The following GRID2 variants were observed in gnomAD, a reference collection of about 807,000 sequenced individuals.
The protein encoded by GRID2 is glutamate ionotropic receptor delta type subunit 2, also known as glutamate receptor ionotropic, delta-2.
In GRID2, 33 loss-of-function variants were observed where a neutral mutation model predicts 114.8. That is an observed-to-expected ratio of 0.29 (90% CI 0.22 to 0.38). GRID2 has a LOEUF of 0.38. Ranked by LOEUF, GRID2 falls within the 10% of genes least tolerant of loss-of-function variation. The pLI, the probability that GRID2 is intolerant of heterozygous loss-of-function variation, is 1.00. For synonymous variants in GRID2, 505 were observed against 449.9 expected (o/e 1.12, Z -1.55); for missense variants, 1,184 against 1,257.7 (o/e 0.94, Z 0.89).
At chr4:93,086,007 A>G (rs1730301367) in intron 3 of GRID2, among the ~76,000 whole-genome samples, 1 of 152,266 alleles carries the variant, frequency 6.6e-6, no homozygotes, top group South Asian at 2.1e-4. Flanking sequence ...TTTTTTCTGA[A>G]TTTATCTACC....
intron 2 of GRID2, among the ~76,000 whole-genome samples, chr4:92,622,694 T>A (rs1730330820): frequency 1.3e-5 from 2 of 151,730 alleles, no homozygotes; most frequent in African/African-American, 4.8e-5. Flanking sequence ...TCAGTCATCG[T>A]CATCATCTTA....
At chr4:92,704,124 A>G (rs570524250) in intron 2 of GRID2, among the ~76,000 whole-genome samples, 24 of 152,230 alleles carry the variant, frequency 1.6e-4, no homozygotes, top group Admixed American at 5.9e-4. Context: ...AAAAAATACA[A>G]AAAATTAGCT....
At chr4:92,847,060 T>A (rs1743378938) in intron 2 of GRID2, among the ~76,000 whole-genome samples, 1 of 152,106 alleles carries the variant, frequency 6.6e-6, no homozygotes, top group Non-Finnish European at 1.5e-5. Context: ...ACTATGATCC[T>A]GACTTTTTAT....
intron 2 of GRID2, among the ~76,000 whole-genome samples, chr4:92,824,729 C>G (rs991649982): frequency 2.6e-5 from 4 of 152,002 alleles, no homozygotes; most frequent in African/African-American, 7.2e-5. Flanking sequence ...TCATAAACTA[C>G]TGTATAAATA....
intron 2 of GRID2, among the ~76,000 whole-genome samples, chr4:92,802,423 C>T (rs981835765): frequency 4.6e-5 from 7 of 151,626 alleles, no homozygotes; most frequent in Non-Finnish European, 8.8e-5. Context: ...GTTTCACTGC[C>T]CTAAAAATTC....
intron 2 of GRID2, among the ~76,000 whole-genome samples, chr4:92,933,400 A>G (rs1047452325): frequency 2.0e-5 from 3 of 151,454 alleles, no homozygotes; most frequent in Admixed American, 1.3e-4. Flanking sequence ...TCTACTGAAA[A>G]AATTTTAAAT....
intron 2 of GRID2, among the ~76,000 whole-genome samples, chr4:92,960,273 T>G (rs1207345747): frequency 6.6e-6 from 1 of 152,048 alleles, no homozygotes; most frequent in Non-Finnish European, 1.5e-5. Context: ...GTCAATTATA[T>G]TCAGTTCATT....
rs797002847 is a variant in GRID2 at position 92,912,296 on chromosome 4, CT to C, written c.245-172698del. ...GTTCAGCAGCAAAAAGGTCAAGAAG[CT>C]AAACAAATATGCCCTCAAGTCTGAA... On this transcript the variant is annotated intron_variant, in intron 2 of 15. Transcript: ENST00000282020. 7.9e-5 allele frequency among the ~76,000 whole-genome samples: 12 copies of C among 151,826 alleles called. No individual in the cohort carries two copies. The East Asian group carries it at 1.4e-3, about 17-fold the overall frequency.
In GRID2 at chr4:93,608,500, C is replaced by G. The variant is rs185531623; in HGVS notation, c.2194-17769C>G. Reference sequence around the variant, plus strand: ...CCACAGTCCCCAGAGTGTGATATTCCCCTTCCTGTGTCCATGTGATCTCAT... The same window carrying G: ...CCACAGTCCCCAGAGTGTGATATTCGCCTTCCTGTGTCCATGTGATCTCAT... On this transcript the variant is annotated intron_variant, in intron 13 of 15. Transcript: ENST00000282020. Among the ~76,000 whole-genome samples, 413 of 146,046 alleles carry G rather than the reference C, an allele frequency of 2.8e-3. 3 individuals are homozygous for G. The highest frequency in any genetic ancestry group is 8.4e-3 in the Admixed American group (123 of 14,722).
At chr4:93,205,526 A>G (rs976800585) in intron 4 of GRID2, among the ~76,000 whole-genome samples, 1 of 152,122 alleles carries the variant, frequency 6.6e-6, no homozygotes, top group African/African-American at 2.4e-5. Context: ...CATGGTGTAT[A>G]TGTGCCACAT....
chr4:92,802,866 T>C (rs2149373438), intron 2 of GRID2, among the ~76,000 whole-genome samples: 1 of 152,094 alleles, frequency 6.6e-6, no homozygotes, highest in South Asian at 2.1e-4. Context: ...GATAGAGCCT[T>C]AGAATAAGTC....
At chr4:93,765,636 G>A (rs1733605941) in intron 14 of GRID2, among the ~76,000 whole-genome samples, 1 of 141,126 alleles carries the variant, frequency 7.1e-6, no homozygotes. Context: ...ATATATATGA[G>A]GCATATATAT....
chr4:93,495,563 G>A (rs1008999611), intron 12 of GRID2, among the ~76,000 whole-genome samples: 7 of 151,744 alleles, frequency 4.6e-5, no homozygotes, highest in Non-Finnish European at 1.0e-4. Context: ...AATTTTTCCT[G>A]GAGGTAATGG....
intron 2 of GRID2, among the ~76,000 whole-genome samples, chr4:92,751,677 A>G (rs1382451599): frequency 6.6e-6 from 1 of 152,206 alleles, no homozygotes; most frequent in Non-Finnish European, 1.5e-5. Flanking sequence ...AATGTCAGAC[A>G]GGATGGGTAG....
intron 14 of GRID2, among the ~76,000 whole-genome samples, chr4:93,631,819 T>G (rs896501859): frequency 1.1e-4 from 16 of 152,330 alleles, no homozygotes; most frequent in Middle Eastern, 6.8e-3. Context: ...TGTACTAGTT[T>G]ACAGTCCCAC....
intron 9 of GRID2, among the ~76,000 whole-genome samples, chr4:93,421,312 T>C (rs1198795994): frequency 6.6e-6 from 1 of 152,120 alleles, no homozygotes; most frequent in African/African-American, 2.4e-5. Context: ...GTCTTTATTC[T>C]CCATAGTGGT....
At chr4:93,366,934 T>C (rs1762396520) in intron 8 of GRID2, among the ~76,000 whole-genome samples, 1 of 151,846 alleles carries the variant, frequency 6.6e-6, no homozygotes, top group South Asian at 2.1e-4. Context: ...TAAATATATA[T>C]ATATATTTAG....
intron 14 of GRID2, among the ~76,000 whole-genome samples, chr4:93,683,762 A>G (rs1307315232): frequency 6.6e-6 from 1 of 151,894 alleles, no homozygotes; most frequent in Non-Finnish European, 1.5e-5. Flanking sequence ...TATTTTATTT[A>G]AAAGTATAAG....
At chr4:92,667,340 A>G (rs565718826) in intron 2 of GRID2, among the ~76,000 whole-genome samples, 87 of 151,656 alleles carry the variant, frequency 5.7e-4, no homozygotes, top group Non-Finnish European at 1.0e-3. Flanking sequence ...AAAGGATATA[A>G]CACTGGGTAA....
Sources: gnomAD v4.1 joint callset for allele counts (sites outside exome capture counted in the v4.1 genomes callset) on GRCh38, gnomAD v4.1.1 for gene constraint, MANE v1.5 for transcripts, NCBI Gene and HGNC (gene_info 2026-07-23, HGNC 2026-07-21) for gene names.